TMEM233: variants seen among roughly 807,000 people sequenced by gnomAD.
The protein encoded by TMEM233 is transmembrane protein 233, also known as dispanin subfamily B member 2.
TMEM233 carries 6 observed loss-of-function variants against 11.2 expected under a neutral mutation model. The ratio of observed to expected loss-of-function variants is 0.54; its 90% CI spans 0.29 to 1.06. TMEM233 has a LOEUF of 1.06. TMEM233 is among the 50% of genes least tolerant of loss of function. The pLI is 0.08. For synonymous variants in TMEM233, 59 were observed against 55.8 expected (o/e 1.06, Z -0.26); for missense variants, 127 against 144.7 (o/e 0.88, Z 0.63).
At chr12:119,612,278 C>T (rs2136707769) in intron 1 of TMEM233, among the ~76,000 whole-genome samples, 1 of 151,630 alleles carries the variant, frequency 6.6e-6, no homozygotes, top group Non-Finnish European at 1.5e-5. Context: ...CAGGCGTGAG[C>T]CACTGCGCCC....
intron 1 of TMEM233, among the ~76,000 whole-genome samples, chr12:119,617,387 G>A (rs945823603): frequency 4.6e-5 from 7 of 152,118 alleles, no homozygotes; most frequent in Non-Finnish European, 7.3e-5. Flanking sequence ...ACAGACTGGC[G>A]ACATTTTGCC....
At chr12:119,609,631 CA>C (rs902823612) in intron 1 of TMEM233, among the ~76,000 whole-genome samples, 2 of 152,196 alleles carry the variant, frequency 1.3e-5, no homozygotes, top group African/African-American at 4.8e-5. Flanking sequence ...CAGCCATGAC[CA>C]AAAGGGGACA....
intron 1 of TMEM233, among the ~76,000 whole-genome samples, chr12:119,610,119 G>A (rs1285971997): frequency 6.6e-6 from 1 of 152,256 alleles, no homozygotes; most frequent in Non-Finnish European, 1.5e-5. Context: ...ACCTGGATGT[G>A]AGACATAGAG....
At chr12:119,630,768 T>C (rs1954863516) in intron 2 of TMEM233, among the ~76,000 whole-genome samples, 1 of 152,190 alleles carries the variant, frequency 6.6e-6, no homozygotes, top group South Asian at 2.1e-4. Flanking sequence ...TGTAAGAGGG[T>C]AGGAAATGTG....
the TMEM233 span, among the ~76,000 whole-genome samples, chr12:119,653,107 C>A: frequency 1.8e-4 from 27 of 152,188 alleles, no homozygotes; most frequent in Non-Finnish European, 3.2e-4. Context: ...ATTTTAAAAT[C>A]ACTGGGCCGG....
downstream of TMEM233, among the ~76,000 whole-genome samples, chr12:119,646,143 C>T (rs924176722): frequency 9.2e-5 from 14 of 151,984 alleles, no homozygotes; most frequent in Admixed American, 6.6e-4. Context: ...CTGCAACCTC[C>T]GCCTCCCAGG....
At chr12:119,601,757 A>G (rs1954172106) in intron 1 of TMEM233, among the ~76,000 whole-genome samples, 1 of 152,184 alleles carries the variant, frequency 6.6e-6, no homozygotes, top group Non-Finnish European at 1.5e-5. Flanking sequence ...TAATCGTTCA[A>G]GGGAGAGAGA....
downstream of TMEM233, among the ~76,000 whole-genome samples, chr12:119,644,073 A>G (rs1174325241): frequency 2.0e-5 from 3 of 152,210 alleles, no homozygotes; most frequent in Non-Finnish European, 4.4e-5. Context: ...CCAGGGGGGA[A>G]AAATGGTTCA....
chr12:119,611,071 A>C (rs985151470), intron 1 of TMEM233, among the ~76,000 whole-genome samples: 11 of 152,288 alleles, frequency 7.2e-5, no homozygotes, highest in African/African-American at 2.6e-4. Flanking sequence ...GTGTTTTTCT[A>C]TTCATTCATT....
the TMEM233 span, among the ~76,000 whole-genome samples, chr12:119,654,011 A>G: frequency 8.4e-4 from 127 of 152,028 alleles, no homozygotes; most frequent in Middle Eastern, 6.8e-3. Context: ...GATAAATGCA[A>G]AGGAAAACAC....
rs916463464 is a variant in TMEM233, at chr12:119,600,058, C to T, written c.186+6024C>T. On this transcript the variant is annotated intron_variant, in intron 1 of 2. Coordinates refer to ENST00000426426, the MANE Select transcript of TMEM233 (RefSeq NM_001136534.3). ...CCAGAGAGAGGATGCAATCCACCCA[C>T]CCATTAACAAGCTCCATCCTCATGC... Among the ~76,000 whole-genome samples, 6 of 152,248 alleles carry T rather than the reference C, an allele frequency of 3.9e-5. No individual in the cohort carries two copies. In the South Asian group the frequency reaches 1.0e-3, roughly 26 times the overall value.
intron 1 of TMEM233, among the ~76,000 whole-genome samples, chr12:119,612,387 G>A (rs1465169623): frequency 6.6e-6 from 1 of 152,146 alleles, no homozygotes; most frequent in Non-Finnish European, 1.5e-5. Context: ...GGCCAAGGCA[G>A]GTGGATTGCT....
At chr12:119,626,516 AGGAGAAGGGAGAAG>A (rs148623297) in intron 1 of TMEM233, among the ~76,000 whole-genome samples, 5 of 83,898 alleles carry the variant, frequency 6.0e-5, no homozygotes, top group Non-Finnish European at 1.2e-4. Context: ...GAGGAGGAGG[AGGAGAAGGGAGAAG>A]GGAGAAGGGA....
At chr12:119,607,111 A>C (rs1954296403) in intron 1 of TMEM233, among the ~76,000 whole-genome samples, 1 of 152,218 alleles carries the variant, frequency 6.6e-6, no homozygotes, top group Non-Finnish European at 1.5e-5. Context: ...AAAAGGCTGG[A>C]AAGTATTTCA....
downstream of TMEM233, among the ~76,000 whole-genome samples, chr12:119,647,596 T>TA (rs1955170502): frequency 1.3e-5 from 2 of 152,226 alleles, no homozygotes; most frequent in South Asian, 4.1e-4. Context: ...TCTTCTGGAC[T>TA]AAAATCCAAA....
intron 1 of TMEM233, among the ~76,000 whole-genome samples, chr12:119,611,844 C>T (rs1954404778): frequency 6.6e-6 from 1 of 152,150 alleles, no homozygotes. Context: ...CTGCTCTTAT[C>T]CTAGCTTCTC....
intron 1 of TMEM233, among the ~76,000 whole-genome samples, chr12:119,605,146 G>A (rs1954247628): frequency 6.6e-6 from 1 of 151,490 alleles, no homozygotes; most frequent in African/African-American, 2.4e-5. Context: ...CTTTGCTGTG[G>A]GTAATTTTTA....
chr12:119,606,994 C>A (rs765146613), intron 1 of TMEM233, among the ~76,000 whole-genome samples: 1 of 152,130 alleles, frequency 6.6e-6, no homozygotes, highest in Non-Finnish European at 1.5e-5. Flanking sequence ...AAAAACAGGA[C>A]AAAATACAAA....
the TMEM233 span, among the ~76,000 whole-genome samples, chr12:119,650,628 TTTG>T: frequency 0.77 from 116,426 of 151,386 alleles, 44,900 homozygotes; most frequent in Middle Eastern, 0.84. Context: ...CTTATTTGAT[TTTG>T]TTGTTGTTGT....
Sources: allele counts gnomAD v4.1 joint callset (sites outside exome capture counted in the v4.1 genomes callset), GRCh38; gene constraint gnomAD v4.1.1; transcripts MANE v1.5; gene names NCBI Gene and HGNC (gene_info 2026-07-23, HGNC 2026-07-21).